The following PDE4D variants were observed in gnomAD, a reference collection of about 807,000 sequenced individuals.
PDE4D encodes 3',5'-cyclic-AMP phosphodiesterase 4D.
PDE4D carries 24 observed loss-of-function variants against 87.4 expected under a neutral mutation model. That is an observed-to-expected ratio of 0.27 (90% CI 0.20 to 0.39). PDE4D has a LOEUF of 0.39. Among genes scored for constraint, PDE4D ranks in the 10% least tolerant of loss-of-function variants. The probability of loss-of-function intolerance (pLI) is 1.00; values close to 1 mark genes in which losing one functional copy is unlikely to be tolerated. For synonymous variants in PDE4D, 384 were observed against 383.2 expected, an observed-to-expected ratio of 1.00 and a Z score of -0.02; for missense variants, 714 against 1,041.0, an observed-to-expected ratio of 0.69 and a Z score of 4.32.
chr5:60,041,769 C>G (rs1768512331), intron 2 of PDE4D, among the ~76,000 whole-genome samples: 1 of 152,150 alleles, frequency 6.6e-6, no homozygotes, highest in African/African-American at 2.4e-5. Flanking sequence ...TGCATTCCGG[C>G]CCAGATACTA....
intron 1 of PDE4D, among the ~76,000 whole-genome samples, chr5:59,807,502 C>CCA (rs200521660): frequency 6.6e-6 from 1 of 151,992 alleles, no homozygotes; most frequent in African/African-American, 2.4e-5. Context: ...TGGCTTGTCC[C>CCA]CACACACACA....
chr5:59,824,426 G>T (rs943349234), intron 1 of PDE4D, among the ~76,000 whole-genome samples: 1 of 152,062 alleles, frequency 6.6e-6, no homozygotes. Context: ...GGACCTTTCC[G>T]GTCTTGTTCA....
chr5:59,319,459 AAC>A (rs1390407553), intron 1 of PDE4D, among the ~76,000 whole-genome samples: 4 of 152,130 alleles, frequency 2.6e-5, no homozygotes, highest in Admixed American at 2.6e-4. Flanking sequence ...GTGGGAAGGA[AAC>A]AGACATTTGC....
chr5:59,699,523 A>C (rs1752268437), intron 1 of PDE4D, among the ~76,000 whole-genome samples: 1 of 152,168 alleles, frequency 6.6e-6, no homozygotes, highest in Non-Finnish European at 1.5e-5. Flanking sequence ...TTAAGAATGC[A>C]GGCTTTGGAG....
intron 1 of PDE4D, among the ~76,000 whole-genome samples, chr5:59,428,701 A>G (rs1795672340): frequency 1.3e-5 from 2 of 152,162 alleles, no homozygotes; most frequent in African/African-American, 2.4e-5. Flanking sequence ...TAAAAAGACA[A>G]CCTCTATGAT....
chr5:59,678,660 T>C (rs1332477027), intron 1 of PDE4D, among the ~76,000 whole-genome samples: 2 of 152,120 alleles, frequency 1.3e-5, no homozygotes, highest in African/African-American at 4.8e-5. Context: ...AGATGGAGTT[T>C]CACCATGTTG....
At chr5:59,137,420 A>G (rs546487855) in intron 5 of PDE4D, among the ~76,000 whole-genome samples, 3 of 152,200 alleles carry the variant, frequency 2.0e-5, no homozygotes, top group Non-Finnish European at 2.9e-5. Context: ...GAAAAACTTC[A>G]TGGTATAGAT....
intron 1 of PDE4D, among the ~76,000 whole-genome samples, chr5:59,781,330 G>A (rs1386647490): frequency 1.3e-5 from 2 of 152,108 alleles, no homozygotes; most frequent in East Asian, 1.9e-4. Flanking sequence ...CAATAAAAAT[G>A]TATGTTGGAA....
At chr5:60,246,311 T>C (rs994598597) in intron 1 of PDE4D, among the ~76,000 whole-genome samples, 4 of 142,736 alleles carry the variant, frequency 2.8e-5, no homozygotes, top group Non-Finnish European at 6.3e-5. Flanking sequence ...CAAATCCATG[T>C]GGGATTCTTT....
At chr5:59,586,998 T>C (rs1376604350) in intron 1 of PDE4D, 3 of 985,332 alleles carry the variant, frequency 3.0e-6, no homozygotes, top group African/African-American at 1.7e-5. Context: ...CCAACTTCTT[T>C]CCCAGATTTC....
intron 1 of PDE4D, among the ~76,000 whole-genome samples, chr5:59,323,212 A>G (rs1315000659): frequency 6.6e-6 from 1 of 151,994 alleles, no homozygotes. Flanking sequence ...ATTCAACTAA[A>G]ATTTTTTTCT....
rs117764954 is a variant in PDE4D, at chr5:60,221,440, A to G, written c.-89-35753T>C. ...TTCTGTATTAATTTCTCTCTTATCA[A>G]TTATATGGCTTATTTGTCTTTCATG... On this transcript the variant is annotated intron_variant, in intron 1 of 16. Coordinates refer to the PDE4D transcript ENST00000502484. Among the ~76,000 whole-genome samples the G allele has an allele frequency of 1.8e-3, 270 of 152,134 alleles. 1 individual carries two copies. The East Asian group carries it at 0.02, about 11-fold the overall frequency.
rs1039701676 is a variant in PDE4D, at chr5:59,010,301, G to C, written c.922-16836C>G. On this transcript the variant is annotated intron_variant, in intron 6 of 14. Coordinates refer to ENST00000340635, the MANE Select transcript of PDE4D (RefSeq NM_001104631.2). The stretch of plus-strand genomic sequence containing the variant: ...GAGATCGCGCCACTGCACTCCAGCC[G>C]GGGTGACAGAGATTCTGTCTCCAAA... 2.9e-4 allele frequency among the ~76,000 whole-genome samples: 44 copies of C among 152,114 alleles called. 1 individual carries two copies. Among genetic ancestry groups the C allele is most frequent in the Middle Eastern group, 3.4e-3 (1 of 292 alleles).
chr5:59,229,898 A>G (rs141759468), intron 1 of PDE4D, among the ~76,000 whole-genome samples: 5,210 of 152,224 alleles, frequency 0.034, 305 homozygotes, highest in African/African-American at 0.12. Flanking sequence ...TCCCGCGTTC[A>G]AGTGATTCTC....
At chr5:59,687,870 G>A (rs1750178116) in intron 1 of PDE4D, among the ~76,000 whole-genome samples, 1 of 152,108 alleles carries the variant, frequency 6.6e-6, no homozygotes, top group South Asian at 2.1e-4. Context: ...AGGGAGGAAG[G>A]AAGATCTACC....
intron 1 of PDE4D, among the ~76,000 whole-genome samples, chr5:60,439,460 A>G (rs1438022611): frequency 6.6e-6 from 1 of 152,112 alleles, no homozygotes; most frequent in Non-Finnish European, 1.5e-5. Context: ...TGGAAGTCAT[A>G]TAGGAACAAT....
chr5:59,953,798 C>T (rs1369444981), intron 3 of PDE4D, among the ~76,000 whole-genome samples: 2 of 152,086 alleles, frequency 1.3e-5, no homozygotes, highest in African/African-American at 2.4e-5. Flanking sequence ...TTAAACTGTA[C>T]ATATTTGAGA....
At position 60,318,917 on chromosome 5, in the gene PDE4D, AT is replaced by A. The variant is rs1159783522; in HGVS notation, c.-89-133231del. On this transcript the variant is annotated intron_variant, in intron 1 of 16. Coordinates refer to the PDE4D transcript ENST00000502484. ...ACCTTCCTCTCTGGCTGCCCTTAAC[AT>A]TTTTTCCTTCATTTCAACTTTGGTG... 2.0e-5 allele frequency among the ~76,000 whole-genome samples: 3 copies of A among 151,812 alleles called. No individual in the cohort carries two copies. The East Asian group carries it at 5.8e-4, about 29-fold the overall frequency.
chr5:59,522,428 T>G (rs1812406318), intron 1 of PDE4D, among the ~76,000 whole-genome samples: 1 of 152,174 alleles, frequency 6.6e-6, no homozygotes, highest in Admixed American at 6.5e-5. Context: ...CTGTCCACTA[T>G]TTTACACAAA....
Sources: gnomAD v4.1 joint callset for allele counts (sites outside exome capture counted in the v4.1 genomes callset) on GRCh38, gnomAD v4.1.1 for gene constraint, MANE v1.5 for transcripts, NCBI Gene and HGNC (gene_info 2026-07-23, HGNC 2026-07-21) for gene names.